RARB: variants seen among roughly 807,000 people sequenced by gnomAD.
RARB encodes retinoic acid receptor beta.
A neutral mutation model predicts 51.9 loss-of-function variants in RARB; 17 were observed. That is an observed-to-expected ratio of 0.33 (90% CI 0.22 to 0.49). The LOEUF (loss-of-function observed/expected upper bound fraction) is 0.49, where lower values mean the gene tolerates loss of function less well. Among genes scored for constraint, RARB ranks in the 20% least tolerant of loss-of-function variants. RARB has a pLI of 0.99. For missense variants in RARB, 369 were observed against 550.8 expected (o/e 0.67, Z 3.30); for synonymous variants, 215 against 195.4 (o/e 1.10, Z -0.84).
At chr3:25,488,937 T>G (rs1389781897) in intron 2 of RARB, among the ~76,000 whole-genome samples, 2 of 152,176 alleles carry the variant, frequency 1.3e-5, no homozygotes, top group Non-Finnish European at 2.9e-5. Flanking sequence ...TTCTCTCCAG[T>G]GTAATCAAAA....
intron 2 of RARB, among the ~76,000 whole-genome samples, chr3:24,985,120 T>C (rs1696759473): frequency 6.6e-6 from 1 of 152,216 alleles, no homozygotes; most frequent in African/African-American, 2.4e-5. Flanking sequence ...ACAGCTAGCA[T>C]GGAAATGGTG....
In RARB at chr3:25,018,438, G is replaced by C. The variant is rs149652851; in HGVS notation, c.-379-41687G>C. On this transcript the variant is annotated intron_variant, in intron 2 of 11. Coordinates refer to the RARB transcript ENST00000383772. ...AATGGATGAGAAGAAAGGTAAATTA[G>C]GATTATTTTTTAAAAGTTGTCAAGA... Among the ~76,000 whole-genome samples the C allele has an allele frequency of 2.1e-3, 320 of 152,164 alleles. 1 individual carries two copies. Among genetic ancestry groups the C allele is most frequent in the African/African-American group, 7.3e-3 (301 of 41,514 alleles).
At chr3:25,190,843 G>C (rs1701086044) in intron 5 of RARB, among the ~76,000 whole-genome samples, 1 of 152,014 alleles carries the variant, frequency 6.6e-6, no homozygotes, top group South Asian at 2.1e-4. Context: ...AATCACTTGG[G>C]ACTTGGAGTT....
At chr3:25,461,698 C>T (rs1047092007) in intron 2 of RARB, among the ~76,000 whole-genome samples, 4 of 152,138 alleles carry the variant, frequency 2.6e-5, no homozygotes, top group Admixed American at 6.5e-5. Flanking sequence ...GTTTGAGGCC[C>T]GCCTGACCAA....
intron 5 of RARB, among the ~76,000 whole-genome samples, chr3:25,190,570 G>A (rs1381587986): frequency 6.6e-6 from 1 of 152,010 alleles, no homozygotes; most frequent in Non-Finnish European, 1.5e-5. Flanking sequence ...ACTAAAAAAT[G>A]CATTTATTTA....
At chr3:25,261,142 T>G (rs1205983701) in intron 5 of RARB, among the ~76,000 whole-genome samples, 4 of 152,124 alleles carry the variant, frequency 2.6e-5, no homozygotes, top group Non-Finnish European at 5.9e-5. Flanking sequence ...TTAAATAAAT[T>G]GTAATATTTA....
chr3:25,560,228 C>T (rs1700217798), intron 3 of RARB, among the ~76,000 whole-genome samples: 1 of 152,184 alleles, frequency 6.6e-6, no homozygotes, highest in Non-Finnish European at 1.5e-5. Flanking sequence ...GGTATATAGA[C>T]TGGCGTAAAC....
intron 5 of RARB, among the ~76,000 whole-genome samples, chr3:25,372,175 A>G (rs894258897): frequency 6.6e-6 from 1 of 152,244 alleles, no homozygotes; most frequent in Non-Finnish European, 1.5e-5. Flanking sequence ...GGAGCATGAC[A>G]TGGTCAGATT....
intron 2 of RARB, among the ~76,000 whole-genome samples, chr3:25,050,789 A>G (rs1336144462): frequency 6.6e-6 from 1 of 152,226 alleles, no homozygotes; most frequent in Non-Finnish European, 1.5e-5. Flanking sequence ...ATTAATCAAT[A>G]TTCAACACTT....
At chr3:25,580,762 A>G (rs1199756864) in intron 5 of RARB, 40 bp downstream of exon 5, 2 of 1,534,734 alleles carry the variant, frequency 1.3e-6, no homozygotes, top group East Asian at 2.3e-5. Flanking sequence ...CTGGGGAGGG[A>G]GAGAGGGCAC....
chr3:25,183,891 T>C (rs1179441833), intron 5 of RARB, among the ~76,000 whole-genome samples: 1 of 152,110 alleles, frequency 6.6e-6, no homozygotes, highest in African/African-American at 2.4e-5. Context: ...ACACTTTTGG[T>C]GTCCTGGTCT....
At chr3:25,356,558 A>C (rs1166789669) in intron 5 of RARB, among the ~76,000 whole-genome samples, 1 of 151,988 alleles carries the variant, frequency 6.6e-6, no homozygotes, top group Non-Finnish European at 1.5e-5. Flanking sequence ...ATACACGTGC[A>C]GAATGCGCAG....
intron 5 of RARB, among the ~76,000 whole-genome samples, chr3:25,248,790 G>T (rs1213533192): frequency 1.3e-5 from 2 of 152,088 alleles, no homozygotes; most frequent in African/African-American, 2.4e-5. Flanking sequence ...GATGTCTACT[G>T]CTTATATGTC....
intron 3 of RARB, among the ~76,000 whole-genome samples, chr3:25,522,980 T>C (rs1417205561): frequency 6.6e-6 from 1 of 152,194 alleles, no homozygotes; most frequent in Non-Finnish European, 1.5e-5. Flanking sequence ...AAAGTTCTGT[T>C]GGTCACAAGG....
intron 5 of RARB, among the ~76,000 whole-genome samples, chr3:25,273,985 G>A (rs1228373482): frequency 2.0e-5 from 3 of 152,088 alleles, no homozygotes; most frequent in African/African-American, 4.8e-5. Context: ...TGCTGCATGC[G>A]GCAGCCTGTC....
chr3:25,588,702 G>T (rs1701500000), intron 5 of RARB, among the ~76,000 whole-genome samples: 1 of 152,146 alleles, frequency 6.6e-6, no homozygotes, highest in South Asian at 2.1e-4. Flanking sequence ...GAGGCTGGAA[G>T]CTCTCCGCCT....
chr3:25,117,157 A>T (rs1352246798), intron 3 of RARB, among the ~76,000 whole-genome samples: 1 of 152,166 alleles, frequency 6.6e-6, no homozygotes, highest in Non-Finnish European at 1.5e-5. Flanking sequence ...TAAACAGGGC[A>T]GATAGAGCCC....
At chr3:24,934,473 A>G (rs1011816025) in intron 2 of RARB, among the ~76,000 whole-genome samples, 4 of 152,126 alleles carry the variant, frequency 2.6e-5, no homozygotes, top group Admixed American at 6.6e-5. Context: ...ACCACACACT[A>G]TGAAATTTCT....
At chr3:24,911,022 T>C (rs1424185541) in intron 2 of RARB, among the ~76,000 whole-genome samples, 1 of 152,248 alleles carries the variant, frequency 6.6e-6, no homozygotes, top group Non-Finnish European at 1.5e-5. Context: ...TAAATTTCTC[T>C]TCGGCAAGCT....
Sources: allele counts gnomAD v4.1 joint callset (sites outside exome capture counted in the v4.1 genomes callset), GRCh38; gene constraint gnomAD v4.1.1; transcripts MANE v1.5; gene names NCBI Gene and HGNC (gene_info 2026-07-23, HGNC 2026-07-21).